The following EXOSC7 variants were observed in gnomAD, a reference collection of about 807,000 sequenced individuals.
EXOSC7 encodes the protein exosome complex component RRP42.
EXOSC7 carries 25 observed loss-of-function variants against 34.3 expected under a neutral mutation model. The ratio of observed to expected loss-of-function variants is 0.73; its 90% CI spans 0.53 to 1.02. The LOEUF (loss-of-function observed/expected upper bound fraction) is 1.02, where lower values mean the gene tolerates loss of function less well. EXOSC7 is among the 50% of genes least tolerant of loss of function. The probability of loss-of-function intolerance (pLI) is 0.00; values close to 1 mark genes in which losing one functional copy is unlikely to be tolerated. For synonymous variants in EXOSC7, 130 were observed against 143.0 expected (o/e 0.91, Z 0.65); for missense variants, 370 against 368.5 (o/e 1.00, Z -0.03).
At chr3:44,986,260 C>T (rs926738807) in intron 1 of EXOSC7, among the ~76,000 whole-genome samples, 2 of 152,158 alleles carry the variant, frequency 1.3e-5, no homozygotes, top group Non-Finnish European at 1.5e-5. Flanking sequence ...GCTGCAGATC[C>T]GGAGCCCTGC....
At chr3:44,982,998 C>T (rs1706311609) in intron 1 of EXOSC7, among the ~76,000 whole-genome samples, 1 of 152,200 alleles carries the variant, frequency 6.6e-6, no homozygotes, top group African/African-American at 2.4e-5. Flanking sequence ...AATTTAGTCT[C>T]ACTTCTCCTT....
intron 1 of EXOSC7, chr3:44,977,431 A>G (rs1706110256): frequency 6.6e-6 from 1 of 152,248 alleles, no homozygotes; most frequent in Admixed American, 6.5e-5. Flanking sequence ...AGTTAAGGAC[A>G]TGTCCATTTA....
At position 45,007,580 on chromosome 3, in the gene EXOSC7, G is replaced by A. The variant is rs531945971; in HGVS notation, c.771+5G>A. On this transcript the variant is annotated splice_donor_5th_base_variant and intron_variant, in intron 7 of 7. Coordinates refer to ENST00000265564, the MANE Select transcript of EXOSC7 (RefSeq NM_015004.4). Reference sequence around the variant, plus strand: ...AGCATCTTCGAGATGATGGAGGTGAGGCCTTAGTTCTGAGGAAGGTGCAGG... The same window carrying A: ...AGCATCTTCGAGATGATGGAGGTGAAGCCTTAGTTCTGAGGAAGGTGCAGG... 169 of 1,601,176 alleles carry A rather than the reference G, an allele frequency of 1.1e-4. 1 individual carries two copies. In the South Asian group the frequency reaches 1.7e-3, roughly 16 times the overall value.
chr3:45,003,480 A>G (rs1027296785), intron 5 of EXOSC7, among the ~76,000 whole-genome samples: 2 of 152,168 alleles, frequency 1.3e-5, no homozygotes, highest in Admixed American at 6.5e-5. Context: ...GCCCTTGTCA[A>G]CATTCTCTGG....
chr3:44,992,554 T>C (rs1413405106), intron 3 of EXOSC7, among the ~76,000 whole-genome samples: 3 of 152,230 alleles, frequency 2.0e-5, no homozygotes, highest in African/African-American at 7.2e-5. Flanking sequence ...GAAAGACTGC[T>C]GCACTGACCC....
intron 1 of EXOSC7, among the ~76,000 whole-genome samples, chr3:44,983,715 G>A (rs1170182315): frequency 1.3e-5 from 2 of 152,064 alleles, no homozygotes; most frequent in Non-Finnish European, 2.9e-5. Flanking sequence ...TTTACTTCAG[G>A]GTAACTCCTA....
chr3:45,009,634 C>T (rs139140207), intron 7 of EXOSC7, among the ~76,000 whole-genome samples: 3,236 of 152,044 alleles, frequency 0.021, 66 homozygotes, highest in Middle Eastern at 0.075. Flanking sequence ...CTGCAACCTC[C>T]GCCTCCCTGG....
rs763398817 is a variant in EXOSC7 at position 45,011,227 on chromosome 3, C to T, written c.772-8C>T. ...GGGTGTGTGCTCTCTCCCGTCCCTT[C>T]TCCACAGACTGGCAAGCGTGTGGGC... On this transcript the variant is annotated splice_region_variant and splice_polypyrimidine_tract_variant and intron_variant, in intron 7 of 7. Coordinates refer to ENST00000265564, the MANE Select transcript of EXOSC7 (RefSeq NM_015004.4). 2 of 1,593,998 alleles carry T rather than the reference C, an allele frequency of 1.3e-6. No homozygotes were observed. Among genetic ancestry groups the T allele is most frequent in the Admixed American group, 1.7e-5 (1 of 58,878 alleles).
chr3:44,994,596 C>T (rs913021062), intron 3 of EXOSC7, among the ~76,000 whole-genome samples: 2 of 152,090 alleles, frequency 1.3e-5, no homozygotes, highest in African/African-American at 2.4e-5. Flanking sequence ...TGTGAGTGCC[C>T]AGTAGTGAAG....
chr3:45,004,982 A>AT (rs1322404051), intron 5 of EXOSC7: 12 of 242,384 alleles, frequency 5.0e-5, no homozygotes, highest in Non-Finnish European at 8.0e-5. Context: ...CTTGTCTTTT[A>AT]TTTTTTATAT....
At chr3:44,994,874 TG>T (rs1172605515) in intron 3 of EXOSC7, among the ~76,000 whole-genome samples, 2 of 150,238 alleles carry the variant, frequency 1.3e-5, no homozygotes, top group African/African-American at 2.5e-5. Context: ...TGTGTGTGTG[TG>T]TGTGTGTGTG....
intron 1 of EXOSC7, chr3:44,977,051 G>A (rs1257748198): frequency 6.6e-6 from 1 of 152,376 alleles, no homozygotes; most frequent in African/African-American, 2.4e-5. Context: ...AAAGCGGCTA[G>A]GCAGCCGATA....
At chr3:45,005,223 T>G (rs1021781967) in intron 5 of EXOSC7, 68 bp from the exon 6 acceptor site, 2 of 1,577,252 alleles carry the variant, frequency 1.3e-6, no homozygotes, top group African/African-American at 1.3e-5. Context: ...CAACTCCTAT[T>G]CTCAATCTTA....
Position 44,997,230 on chromosome 3 carries a change from G to A in EXOSC7, c.398G>A (p.Trp133Ter), listed in dbSNP as rs201900412. The A allele has an allele frequency of 9.9e-6, 16 of 1,613,796 alleles. No individual in the cohort carries two copies. The highest frequency in any genetic ancestry group is 1.3e-5 in the Non-Finnish European group (15 of 1,179,962). Reference protein sequence around the residue: ...TLCISPREHCWVLYVDVLLLE... With the variant: ...TLCISPREHC Reference sequence around the variant, plus strand: ...TGCATTAGTCCTCGGGAGCACTGCTGGGTTCTCTATGTGGATGTGCTGGTG... The same window carrying A: ...TGCATTAGTCCTCGGGAGCACTGCTAGGTTCTCTATGTGGATGTGCTGGTG... Residue 133 changes from tryptophan to a stop codon, truncating the protein, a stop_gained, in exon 4 of 8, where the codon TGG becomes TAG. Coordinates refer to ENST00000265564, the MANE Select transcript of EXOSC7 (RefSeq NM_015004.4). LOFTEE classifies it high-confidence loss of function.
chr3:45,000,992 A>G (rs1264566837), intron 4 of EXOSC7, among the ~76,000 whole-genome samples: 1 of 152,202 alleles, frequency 6.6e-6, no homozygotes, highest in Non-Finnish European at 1.5e-5. Flanking sequence ...AGCTATGACA[A>G]GGCAGTGCCT....
chr3:44,979,003 C>A (rs1706199772), intron 1 of EXOSC7, among the ~76,000 whole-genome samples: 1 of 152,204 alleles, frequency 6.6e-6, no homozygotes, highest in African/African-American at 2.4e-5. Context: ...CTCCCTCTCA[C>A]CAGTACCATG....
chr3:44,990,538 G>A (rs562226835), intron 3 of EXOSC7, among the ~76,000 whole-genome samples: 129 of 152,164 alleles, frequency 8.5e-4, no homozygotes, highest in African/African-American at 3.0e-3. Context: ...TGTTGACCCT[G>A]TATCAAGATC....
At chr3:44,983,064 C>T (rs1326112824) in intron 1 of EXOSC7, among the ~76,000 whole-genome samples, 1 of 152,206 alleles carries the variant, frequency 6.6e-6, no homozygotes, top group Non-Finnish European at 1.5e-5. Context: ...TTAACATAAC[C>T]TCAGAGGACC....
chr3:44,982,961 G>A (rs1418173881), intron 1 of EXOSC7, among the ~76,000 whole-genome samples: 2 of 152,190 alleles, frequency 1.3e-5, no homozygotes, highest in Non-Finnish European at 2.9e-5. Context: ...TAAGGGCGGG[G>A]GGCAGTCACC....
Sources: allele counts gnomAD v4.1 joint callset (sites outside exome capture counted in the v4.1 genomes callset), GRCh38; gene constraint gnomAD v4.1.1; transcripts MANE v1.5; gene names NCBI Gene and HGNC (gene_info 2026-07-23, HGNC 2026-07-21).